AHI1: variants seen among roughly 807,000 people sequenced by gnomAD.
The protein encoded by AHI1 is Abelson helper integration site 1.
A neutral mutation model predicts 149.3 loss-of-function variants in AHI1; 123 were observed. That is an observed-to-expected ratio of 0.82 (90% CI 0.71 to 0.96). The LOEUF (loss-of-function observed/expected upper bound fraction) is 0.96, where lower values mean the gene tolerates loss of function less well. AHI1 is among the 40% of genes least tolerant of loss of function. The probability of loss-of-function intolerance (pLI) is 0.00; values close to 1 mark genes in which losing one functional copy is unlikely to be tolerated. For synonymous variants in AHI1, 475 were observed against 459.8 expected (o/e 1.03, Z -0.42); for missense variants, 1,439 against 1,422.7 (o/e 1.01, Z -0.18).
intron 7 of AHI1, among the ~76,000 whole-genome samples, chr6:135,465,097 C>CT (rs1790528993): frequency 2.0e-5 from 3 of 152,060 alleles, no homozygotes; most frequent in Admixed American, 1.3e-4. Flanking sequence ...TGGCTGAGGG[C>CT]TTTAGGGGAA....
In AHI1 at chr6:135,344,933, C is replaced by A. The variant is rs147141646; in HGVS notation, c.3165+13199G>T. Among the ~76,000 whole-genome samples, 917 of 150,562 alleles carry A rather than the reference C, an allele frequency of 6.1e-3. 8 individuals carry two copies. The highest frequency in any genetic ancestry group is 0.02 in the African/African-American group (840 of 41,190). ...ATTGAAATAAGCTCTGATTCACACA[C>A]ACACACACACACACACACACACAGT... On this transcript the variant is annotated intron_variant, in intron 24 of 28. Transcript: ENST00000265602.
intron 10 of AHI1, among the ~76,000 whole-genome samples, chr6:135,453,777 ATTGT>A (rs910008749): frequency 2.0e-5 from 3 of 152,302 alleles, no homozygotes; most frequent in African/African-American, 7.2e-5. Context: ...ACTTTAAAGG[ATTGT>A]TTGTTTAAAA....
chr6:135,427,417 T>C, intron 19 of AHI1, 110 bp from the exon 20 acceptor site: 3 of 929,328 alleles, frequency 3.2e-6, no homozygotes, highest in Non-Finnish European at 4.7e-6. Flanking sequence ...GCAATGATGC[T>C]CACATTATTT....
intron 24 of AHI1, among the ~76,000 whole-genome samples, chr6:135,335,583 C>T (rs954481742): frequency 2.0e-5 from 3 of 151,854 alleles, no homozygotes; most frequent in African/African-American, 7.3e-5. Flanking sequence ...TTTTATGTTG[C>T]TAATAAATAG....
rs765317933 is a variant in AHI1 at position 135,442,653 on chromosome 6, C to T, written c.1841G>A (p.Cys614Tyr). ...SLNAGERGCFCLDFSHNGRIL... is the reference protein window; with the variant it reads ...SLNAGERGCFYLDFSHNGRIL... Reference sequence around the variant, plus strand: ...TCTTCCATTGTGGGAGAAATCAAGACAAAAACATCCTCGTTCTCCTGCATT... The same window carrying T: ...TCTTCCATTGTGGGAGAAATCAAGATAAAAACATCCTCGTTCTCCTGCATT... The change falls in exon 14 of 29, where the codon TGT (cysteine) becomes TAT (tyrosine). Residue 614 changes from cysteine to tyrosine, a missense_variant. Coordinates refer to ENST00000265602, the MANE Select transcript of AHI1 (RefSeq NM_001134831.2). 2.5e-6 allele frequency: 4 copies of T among 1,610,826 alleles called. No individual in the cohort carries two copies. The highest frequency in any genetic ancestry group is 3.4e-6 in the Non-Finnish European group (4 of 1,178,428).
chr6:135,372,729 T>C (rs1582882950), intron 23 of AHI1, among the ~76,000 whole-genome samples: 1 of 152,082 alleles, frequency 6.6e-6, no homozygotes, highest in East Asian at 1.9e-4. Flanking sequence ...TAACCCTATT[T>C]TAAAGGAAGG....
chr6:135,292,782 T>C (rs1782528398), intron 27 of AHI1, among the ~76,000 whole-genome samples: 1 of 152,156 alleles, frequency 6.6e-6, no homozygotes, highest in South Asian at 2.1e-4. Flanking sequence ...CAATGTCTCA[T>C]GAAATAGAGA....
At chr6:135,410,824 G>A (rs901245449) in intron 21 of AHI1, among the ~76,000 whole-genome samples, 4 of 152,092 alleles carry the variant, frequency 2.6e-5, no homozygotes, top group East Asian at 1.9e-4. Flanking sequence ...TTTAAGATAC[G>A]CTTTGCCTTT....
intron 26 of AHI1, 25 bp downstream of exon 26, chr6:135,318,494 A>C: frequency 5.2e-6 from 7 of 1,351,082 alleles, no homozygotes; most frequent in South Asian, 1.2e-5. Flanking sequence ...GTACATATGT[A>C]ATACGTATGC....
chr6:135,442,648 C>G lies in AHI1; in HGVS notation c.1846G>C (p.Asp616His). The change falls in exon 14 of 29, where the codon GAT becomes CAT. Residue 616 changes from aspartate to histidine, a missense_variant. Asp to His is a moderately conservative substitution (Grantham distance 81, BLOSUM62 -1). Transcript: ENST00000265602. ...NAGERGCFCL[D>H]FSHNGRILAA... is the part of the protein sequence containing the mutation. ...AATATTCTTCCATTGTGGGAGAAATCAAGACAAAAACATCCTCGTTCTCCT... is the reference window on the plus strand; with the variant it reads ...AATATTCTTCCATTGTGGGAGAAATGAAGACAAAAACATCCTCGTTCTCCT... The G allele has an allele frequency of 6.2e-7, 1 of 1,610,606 alleles. No homozygotes were observed. The highest frequency in any genetic ancestry group is 8.5e-7 in the Non-Finnish European group (1 of 1,178,230).
At chr6:135,438,312 T>C (rs1171948195) in intron 15 of AHI1, 63 bp downstream of exon 15, 1 of 1,425,310 alleles carries the variant, frequency 7.0e-7, no homozygotes, top group Non-Finnish European at 9.3e-7. Flanking sequence ...CATCAGTTTA[T>C]ATTCTCTTTG....
intron 5 of AHI1, among the ~76,000 whole-genome samples, chr6:135,486,126 T>A (rs1182911003): frequency 3.3e-5 from 5 of 152,226 alleles, no homozygotes; most frequent in Non-Finnish European, 7.3e-5. Context: ...CATATCTTTA[T>A]GTTTCATGCC....
At chr6:135,467,158 T>C (rs1583381633) in intron 6 of AHI1, among the ~76,000 whole-genome samples, 2 of 152,090 alleles carry the variant, frequency 1.3e-5, no homozygotes, top group African/African-American at 4.8e-5. Flanking sequence ...CAGGTAGGTA[T>C]AATTCCCATA....
At position 135,284,204 on chromosome 6, in the gene AHI1, A is replaced by G. The variant is rs1781481900; in HGVS notation, c.*1441T>C. 6.6e-6 allele frequency: 1 copy of G among 152,198 alleles called. No individual in the cohort carries two copies. Among genetic ancestry groups the G allele is most frequent in the Non-Finnish European group, 1.5e-5 (1 of 68,040 alleles). The allele number at this position is 152,198 out of a possible 1,614,324, so 9.4% of individuals were successfully genotyped here. On this transcript the variant is annotated 3_prime_UTR_variant, in exon 29 of 29. Coordinates refer to ENST00000265602, the MANE Select transcript of AHI1 (RefSeq NM_001134831.2). ...TTATCAGTGCCACTCAACACTTTCA[A>G]AAATGCCTTTTTTTTAAAGTTCTAC...
At chr6:135,406,882 T>C (rs975778811) in intron 21 of AHI1, among the ~76,000 whole-genome samples, 1 of 152,212 alleles carries the variant, frequency 6.6e-6, no homozygotes, top group Non-Finnish European at 1.5e-5. Flanking sequence ...TTAATCTTAA[T>C]AGATACTACA....
intron 20 of AHI1, among the ~76,000 whole-genome samples, chr6:135,424,422 C>A (rs1562735757): frequency 6.6e-6 from 1 of 151,942 alleles, no homozygotes; most frequent in Non-Finnish European, 1.5e-5. Context: ...TAACTGAAGT[C>A]TAGCTTCATA....
Position 135,292,109 on chromosome 6 carries a change from TACACAC to T in AHI1, c.3486-1590_3486-1585del, listed in dbSNP as rs10646107. ...ATATGTAAATATCTGGGCAGCTAAT[TACACAC>T]ACACACACACACACACACATACACA... On this transcript the variant is annotated intron_variant, in intron 27 of 28. Coordinates refer to ENST00000265602, the MANE Select transcript of AHI1 (RefSeq NM_001134831.2). Among the ~76,000 whole-genome samples, 655 of 148,330 alleles carry T rather than the reference TACACAC, an allele frequency of 4.4e-3. 4 individuals are homozygous for T. Among genetic ancestry groups the T allele is most frequent in the Middle Eastern group, 0.021 (6 of 290 alleles).
intron 27 of AHI1, among the ~76,000 whole-genome samples, chr6:135,298,832 C>T (rs1029832557): frequency 2.6e-5 from 4 of 151,956 alleles, no homozygotes; most frequent in African/African-American, 7.3e-5. Context: ...CTCTGTATCT[C>T]GTGAAAACTG....
chr6:135,344,926 T>TCACACACACACACACACACACACA (rs59084001), intron 24 of AHI1, among the ~76,000 whole-genome samples: 87 of 145,796 alleles, frequency 6.0e-4, no homozygotes, highest in African/African-American at 2.1e-3. Flanking sequence ...AAGCTCTGAT[T>TCACACACACACACACACACACACA]CACACACACA....
Sources: gnomAD v4.1 joint callset for allele counts (sites outside exome capture counted in the v4.1 genomes callset) on GRCh38, gnomAD v4.1.1 for gene constraint, MANE v1.5 for transcripts, NCBI Gene and HGNC (gene_info 2026-07-23, HGNC 2026-07-21) for gene names.